Variants in SYCP2 observed in about 807,000 individuals in gnomAD.
SYCP2 encodes synaptonemal complex protein 2.
A neutral mutation model predicts 211.3 loss-of-function variants in SYCP2; 55 were observed. The ratio of observed to expected loss-of-function variants is 0.26; its 90% CI spans 0.21 to 0.33. The LOEUF (loss-of-function observed/expected upper bound fraction) is 0.33. Among genes scored for constraint, SYCP2 ranks in the 10% least tolerant of loss-of-function variants. The pLI is 1.00. For missense variants in SYCP2, 1,731 were observed against 1,752.0 expected (o/e 0.99, Z 0.21); for synonymous variants, 570 against 555.2 (o/e 1.03, Z -0.37).
chr20:59,896,245 A>G (rs1332567367), intron 19 of SYCP2, among the ~76,000 whole-genome samples, 184 bp downstream of exon 19: 2 of 152,104 alleles, frequency 1.3e-5, no homozygotes, highest in East Asian at 1.9e-4. Context: ...TATTTTCAAC[A>G]CTGTTCTGTT....
intron 6 of SYCP2, 40 bp from the exon 7 acceptor site, chr20:59,919,222 TA>T (rs1346934646): frequency 2.9e-6 from 3 of 1,020,872 alleles, no homozygotes; most frequent in Non-Finnish European, 4.5e-6. Flanking sequence ...CAAGTTACTA[TA>T]TATTACAAAC....
chr20:59,891,939 C>T lies in SYCP2; in HGVS notation c.2364+51G>A, dbSNP rs116735899. The T allele has an allele frequency of 6.2e-4, 881 of 1,430,748 alleles. 5 individuals carry two copies. In the African/African-American group the frequency reaches 0.011, roughly 18 times the overall value. The allele number at this position is 1,430,748 out of a possible 1,614,324, so 88.6% of individuals were successfully genotyped here. A position where few individuals can be genotyped will look rare whatever the true frequency, so the allele number is the denominator to read the frequency against. On this transcript the variant is annotated intron_variant, in intron 24 of 44. Coordinates refer to ENST00000357552, the MANE Select transcript of SYCP2 (RefSeq NM_014258.4). ...CAAGTTTCTTTCTTTCTTATGTTAT[C>T]AAGTAGGCATCTTATGGATATGCAG...
intron 24 of SYCP2, among the ~76,000 whole-genome samples, chr20:59,887,046 C>A (rs959397935): frequency 6.6e-6 from 1 of 151,862 alleles, no homozygotes; most frequent in Admixed American, 6.6e-5. Context: ...TACATGTGTA[C>A]AACATGCAGA....
At chr20:59,883,762 G>C (rs1463999847) in intron 26 of SYCP2, among the ~76,000 whole-genome samples, 2 of 151,996 alleles carry the variant, frequency 1.3e-5, no homozygotes, top group African/African-American at 4.8e-5. Context: ...GGATGAATAA[G>C]TCTAGAGATA....
chr20:59,864,167 A>ATT lies in SYCP2; in HGVS notation c.*142_*143dup, dbSNP rs199662252. The ATT allele has an allele frequency of 1.7e-5, 9 of 516,946 alleles. No homozygotes were observed. The highest frequency in any genetic ancestry group is 3.0e-5 in the Non-Finnish European group (9 of 299,964). The allele number at this position is 516,946 out of a possible 1,614,324, so 32.0% of individuals were successfully genotyped here. Reference sequence around the variant, plus strand: ...GGTTCCCTCTCATCCATTAAAAGACATTTTTTTTTAATTTGAGGGTTCCTA... The same window carrying ATT: ...GGTTCCCTCTCATCCATTAAAAGACATTTTTTTTTTTAATTTGAGGGTTCCTA... On this transcript the variant is annotated 3_prime_UTR_variant, in exon 45 of 45. Transcript: ENST00000357552.
chr20:59,864,300 A>C lies in SYCP2; in HGVS notation c.*11T>G. 16 of 1,564,430 alleles carry C rather than the reference A, an allele frequency of 1.0e-5. No homozygotes were observed. The highest frequency in any genetic ancestry group is 1.4e-5 in the Non-Finnish European group (16 of 1,143,500). ...AATAATTAGATAAAGTATGGTGATAAAAACTAGATTTCACACATTAGCATT... is the reference window on the plus strand; with the variant it reads ...AATAATTAGATAAAGTATGGTGATACAAACTAGATTTCACACATTAGCATT... On this transcript the variant is annotated 3_prime_UTR_variant, in exon 45 of 45. Transcript: ENST00000357552.
chr20:59,881,017 A>C lies in SYCP2; in HGVS notation c.2721T>G (p.Gly907=). 2 of 1,497,928 alleles carry C rather than the reference A, an allele frequency of 1.3e-6. No individual in the cohort carries two copies. The highest frequency in any genetic ancestry group is 1.8e-6 in the Non-Finnish European group (2 of 1,096,760). The allele number at this position is 1,497,928 out of a possible 1,614,324, so 92.8% of individuals were successfully genotyped here. A position where few individuals can be genotyped will look rare whatever the true frequency, so the allele number is the denominator to read the frequency against. The stretch of plus-strand genomic sequence containing the variant: ...ATTTAAGTTCATCATGATTCCTTGG[A>C]CCTACCCTTAAACAAAAATATGTAT... ...ACADRSIRLV[G]PRNHDELKSS... Residue 907 remains glycine, a synonymous_variant, in exon 30 of 45, where the codon GGT becomes GGG. Coordinates refer to ENST00000357552, the MANE Select transcript of SYCP2 (RefSeq NM_014258.4).
intron 9 of SYCP2, 102 bp downstream of exon 9, chr20:59,915,363 C>G (rs2060418872): frequency 2.0e-6 from 2 of 978,104 alleles, no homozygotes; most frequent in African/African-American, 1.6e-5. Flanking sequence ...AAAGCTGCAA[C>G]AGTTTATCAG....
intron 33 of SYCP2, among the ~76,000 whole-genome samples, chr20:59,875,829 A>G (rs1225530282): frequency 3.9e-5 from 6 of 152,164 alleles, no homozygotes; most frequent in African/African-American, 1.4e-4. Flanking sequence ...TACTGCGAAT[A>G]GAGAAGACTT....
intron 2 of SYCP2, among the ~76,000 whole-genome samples, chr20:59,924,858 T>G (rs2060606153): frequency 6.6e-6 from 1 of 151,992 alleles, no homozygotes; most frequent in Non-Finnish European, 1.5e-5. Context: ...ACACATGACT[T>G]GACTTATGAT....
chr20:59,866,507 C>G lies in SYCP2; in HGVS notation c.4208G>C (p.Ser1403Thr). ...TTTTATTACAGACCTAGAGTCCTGA[C>G]TTTGATGATTCATTGTTCTCAGATG... ...QQHLRTMNHQ[S>T]QDSRIKKLDK... is the part of the protein sequence containing the mutation. Residue 1403 changes from serine (S) to threonine (T), a missense_variant, in exon 40 of 45, where the codon AGT becomes ACT. By Grantham distance (58) the Ser-to-Thr change is moderately conservative (BLOSUM62 1). Coordinates refer to ENST00000357552, the MANE Select transcript of SYCP2 (RefSeq NM_014258.4). The G allele has an allele frequency of 6.2e-7, 1 of 1,608,616 alleles. No individual in the cohort carries two copies. The highest frequency in any genetic ancestry group is 8.5e-7 in the Non-Finnish European group (1 of 1,177,756).
chr20:59,892,004 TCGAATCC>T lies in SYCP2; in HGVS notation c.2343_2349del (p.Trp781Ter). ...TGAAAGCTCACCATTTTTTTTTGTT[TCGAATCC>T]CAGGAATTAAGCTCAGAAGTCAATT... is the stretch of plus-strand genomic sequence containing the variant. On this transcript the variant is annotated frameshift_variant, in exon 24 of 45. Coordinates refer to ENST00000357552, the MANE Select transcript of SYCP2 (RefSeq NM_014258.4). LOFTEE classifies it high-confidence loss of function. 2 of 1,585,782 alleles carry T rather than the reference TCGAATCC, an allele frequency of 1.3e-6. No homozygotes were observed. The highest frequency in any genetic ancestry group is 1.9e-5 in the Admixed American group (1 of 53,762).
At position 59,915,240 on chromosome 20, in the gene SYCP2, A is replaced by G. The variant is rs777980105; in HGVS notation, c.600-41T>C. 8.6e-6 allele frequency: 12 copies of G among 1,401,434 alleles called. No homozygotes were observed. The South Asian group carries it at 1.5e-4, about 17-fold the overall frequency. 86.8% of individuals were successfully genotyped at this position (1,401,434 alleles called of 1,614,324 possible). A position where few individuals can be genotyped will look rare whatever the true frequency, so the allele number is the denominator to read the frequency against. On this transcript the variant is annotated intron_variant, in intron 9 of 44. Transcript: ENST00000357552. Reference sequence around the variant, plus strand: ...ACAGATTACAAAATAGACCAGTATCAATTAAATAGGAAGTCCACATGTTTA... The same window carrying G: ...ACAGATTACAAAATAGACCAGTATCGATTAAATAGGAAGTCCACATGTTTA...
chr20:59,872,609 A>C (rs186383644), intron 35 of SYCP2, among the ~76,000 whole-genome samples: 1 of 151,822 alleles, frequency 6.6e-6, no homozygotes, highest in African/African-American at 2.4e-5. Flanking sequence ...ATTCAGTGCT[A>C]TCCTCCATTT....
chr20:59,864,424 C>A, intron 44 of SYCP2, 36 bp from the exon 45 acceptor site: 3 of 1,392,246 alleles, frequency 2.2e-6, no homozygotes, highest in Non-Finnish European at 3.0e-6. Flanking sequence ...ACTTAGATTT[C>A]ACATTTTCGC....
At chr20:59,923,579 T>C (rs1165467828) in intron 2 of SYCP2, among the ~76,000 whole-genome samples, 1 of 151,780 alleles carries the variant, frequency 6.6e-6, no homozygotes, top group African/African-American at 2.4e-5. Flanking sequence ...GGTGTGTGCC[T>C]GTAATCCCAG....
intron 11 of SYCP2, 30 bp from the exon 12 acceptor site, chr20:59,914,057 T>A: frequency 2.5e-6 from 4 of 1,575,856 alleles, no homozygotes; most frequent in Non-Finnish European, 3.4e-6. Flanking sequence ...CTTTTAAAAA[T>A]CATAATAATT....
intron 36 of SYCP2, among the ~76,000 whole-genome samples, 192 bp from the exon 37 acceptor site, chr20:59,869,117 C>T (rs534684783): frequency 6.6e-6 from 1 of 151,780 alleles, no homozygotes; most frequent in South Asian, 2.1e-4. Context: ...CCTCAATCTT[C>T]TTGTAATAGC....
rs898302276 is a variant in SYCP2 at position 59,910,374 on chromosome 20, A to ATTTTT, written c.972+1371_972+1375dup. Among the ~76,000 whole-genome samples, 47 of 76,232 alleles carry ATTTTT rather than the reference A, an allele frequency of 6.2e-4. 8 individuals are homozygous for ATTTTT. The highest frequency in any genetic ancestry group is 2.4e-3 in the African/African-American group (41 of 16,900). 50.0% of individuals were successfully genotyped at this position (76,232 alleles called of 152,430 possible). A position where few individuals can be genotyped will look rare whatever the true frequency, so the allele number is the denominator to read the frequency against. The stretch of plus-strand genomic sequence containing the variant: ...GTATACTGCTATAGTGTAATTGCTT[A>ATTTTT]TTTTTTTTTTTTTTTTTTTTTTTTT... On this transcript the variant is annotated intron_variant, in intron 14 of 44. Coordinates refer to ENST00000357552, the MANE Select transcript of SYCP2 (RefSeq NM_014258.4).
Sources: gnomAD v4.1 joint callset for allele counts (sites outside exome capture counted in the v4.1 genomes callset) on GRCh38, gnomAD v4.1.1 for gene constraint, MANE v1.5 for transcripts, NCBI Gene and HGNC (gene_info 2026-07-23, HGNC 2026-07-21) for gene names.